LRMDA: variants seen among roughly 807,000 people sequenced by gnomAD.
LRMDA encodes the protein leucine-rich melanocyte differentiation-associated protein.
A neutral mutation model predicts 29.8 loss-of-function variants in LRMDA; 18 were observed. The ratio of observed to expected loss-of-function variants is 0.60; its 90% confidence interval spans 0.42 to 0.90. The LOEUF is 0.90. Among genes scored for constraint, LRMDA ranks in the 40% least tolerant of loss-of-function variants. LRMDA has a pLI of 0.00. For synonymous variants in LRMDA, 125 were observed against 109.4 expected (o/e 1.14, Z -0.89); for missense variants, 273 against 273.9 (o/e 1.00, Z 0.02).
rs542801992 is a variant in LRMDA at position 76,287,190 on chromosome 10, G to T, written c.517-37211G>T. ...ATCTCTACATTTTGGTGGTGAATCT[G>T]GTTGTGGCTTCTTCTTTATTTGCCA... On this transcript the variant is annotated intron_variant, in intron 5 of 6. Coordinates refer to ENST00000611255, the MANE Select transcript of LRMDA (RefSeq NM_001305581.2). Among the ~76,000 whole-genome samples, 123 of 125,080 alleles carry T rather than the reference G, an allele frequency of 9.8e-4. 1 individual carries two copies. Among genetic ancestry groups the T allele is most frequent in the Middle Eastern group, 9.8e-3 (2 of 204 alleles). 82.1% of individuals were successfully genotyped at this position (125,080 alleles called of 152,430 possible).
intron 2 of LRMDA, among the ~76,000 whole-genome samples, chr10:75,929,915 C>T (rs1411695311): frequency 6.6e-6 from 1 of 152,164 alleles, no homozygotes; most frequent in East Asian, 1.9e-4. Flanking sequence ...TGAGGCTGAT[C>T]AGTCACAAGT....
chr10:76,178,501 A>G (rs1589365273), intron 5 of LRMDA, among the ~76,000 whole-genome samples: 1 of 152,166 alleles, frequency 6.6e-6, no homozygotes, highest in African/African-American at 2.4e-5. Flanking sequence ...ACAAATTCCA[A>G]TATAAGAAGG....
intron 5 of LRMDA, among the ~76,000 whole-genome samples, chr10:76,222,733 A>G (rs1337224596): frequency 6.6e-6 from 1 of 152,212 alleles, no homozygotes; most frequent in Non-Finnish European, 1.5e-5. Context: ...CTAGAACTAG[A>G]AATACCATTT....
intron 5 of LRMDA, among the ~76,000 whole-genome samples, chr10:76,140,388 A>G (rs1373560804): frequency 6.6e-6 from 1 of 152,046 alleles, no homozygotes; most frequent in Non-Finnish European, 1.5e-5. Context: ...ACCATACTTC[A>G]CCTGAATACC....
chr10:76,150,545 G>C (rs1190076302), intron 5 of LRMDA, among the ~76,000 whole-genome samples: 1 of 152,204 alleles, frequency 6.6e-6, no homozygotes, highest in African/African-American at 2.4e-5. Context: ...CACTACGGCT[G>C]TCATAACGCA....
chr10:75,884,396 A>G (rs1206985219), intron 2 of LRMDA, among the ~76,000 whole-genome samples: 1 of 152,018 alleles, frequency 6.6e-6, no homozygotes, highest in Non-Finnish European at 1.5e-5. Context: ...CCAAGGGACT[A>G]TTTTCTCAGG....
chr10:76,434,271 T>C (rs1842221588), intron 6 of LRMDA, among the ~76,000 whole-genome samples: 1 of 152,128 alleles, frequency 6.6e-6, no homozygotes, highest in South Asian at 2.1e-4. Flanking sequence ...TTCTGACTTT[T>C]CTTGGGTTTT....
chr10:76,062,331 C>G (rs1848714182), intron 5 of LRMDA, among the ~76,000 whole-genome samples: 1 of 152,146 alleles, frequency 6.6e-6, no homozygotes, highest in Non-Finnish European at 1.5e-5. Context: ...GAAAATGTCC[C>G]TCCAATCACA....
At chr10:75,685,555 T>C (rs1438664035) in intron 2 of LRMDA, among the ~76,000 whole-genome samples, 1 of 152,172 alleles carries the variant, frequency 6.6e-6, no homozygotes, top group Admixed American at 6.5e-5. Flanking sequence ...ATCTATCTTC[T>C]CATGTGGTCA....
rs201556716 is a variant in LRMDA, at chr10:75,865,016, G to GT, written c.132-170984dup. On this transcript the variant is annotated intron_variant, in intron 2 of 6. Coordinates refer to ENST00000611255, the MANE Select transcript of LRMDA (RefSeq NM_001305581.2). ...GTTTAAAATGTCTCTAGAAAAATCT[G>GT]TTTTTTTTCTGCCTCTTTCTTTTAC... Among the ~76,000 whole-genome samples, 177 of 151,766 alleles carry GT rather than the reference G, an allele frequency of 1.2e-3. 1 individual carries two copies. The highest frequency in any genetic ancestry group is 3.6e-3 in the African/African-American group (149 of 41,372).
intron 2 of LRMDA, among the ~76,000 whole-genome samples, chr10:75,820,966 T>C (rs549176857): frequency 1.3e-5 from 2 of 152,010 alleles, no homozygotes; most frequent in East Asian, 1.9e-4. Flanking sequence ...CAGGAAGAAA[T>C]AGAAATCCTG....
At chr10:76,162,571 T>A (rs1300735722) in intron 5 of LRMDA, among the ~76,000 whole-genome samples, 2 of 152,054 alleles carry the variant, frequency 1.3e-5, no homozygotes, top group Non-Finnish European at 2.9e-5. Flanking sequence ...AGCAGGTGGA[T>A]AGTGGGAGCA....
intron 2 of LRMDA, among the ~76,000 whole-genome samples, chr10:75,931,325 G>A (rs1846201938): frequency 6.6e-6 from 1 of 152,146 alleles, no homozygotes; most frequent in Non-Finnish European, 1.5e-5. Flanking sequence ...ACTGCCAAAT[G>A]TGACCTTGCC....
chr10:76,048,703 T>G (rs1179571490), intron 4 of LRMDA, among the ~76,000 whole-genome samples: 1 of 152,222 alleles, frequency 6.6e-6, no homozygotes. Flanking sequence ...GATGTCCAGT[T>G]GGCTTTAGAA....
chr10:76,308,541 G>A (rs1275557689), intron 5 of LRMDA, among the ~76,000 whole-genome samples: 4 of 152,070 alleles, frequency 2.6e-5, no homozygotes, highest in Admixed American at 2.6e-4. Context: ...GAAGATTCCA[G>A]TAGAACCAGC....
intron 2 of LRMDA, among the ~76,000 whole-genome samples, chr10:75,726,375 C>T (rs1363804505): frequency 6.6e-6 from 1 of 152,198 alleles, no homozygotes; most frequent in Non-Finnish European, 1.5e-5. Flanking sequence ...GTAATTTTGG[C>T]TGAACTGTTG....
intron 5 of LRMDA, among the ~76,000 whole-genome samples, chr10:76,154,338 C>T (rs1850499920): frequency 6.6e-6 from 1 of 152,120 alleles, no homozygotes; most frequent in Non-Finnish European, 1.5e-5. Context: ...AAGAATATAT[C>T]CCCATAAGGA....
chr10:76,202,835 T>G (rs552109154), intron 5 of LRMDA, among the ~76,000 whole-genome samples: 1 of 151,944 alleles, frequency 6.6e-6, no homozygotes, highest in Non-Finnish European at 1.5e-5. Flanking sequence ...CTGAGACACA[T>G]GTGACTTCTT....
At position 75,916,352 on chromosome 10, in the gene LRMDA, A is replaced by G. The variant is rs77907788; in HGVS notation, c.132-119656A>G. Among the ~76,000 whole-genome samples the G allele has an allele frequency of 2.6e-4, 39 of 152,208 alleles. No homozygotes were observed. The East Asian group carries it at 7.2e-3, about 28-fold the overall frequency. ...CAGAGACTGCCAGGCACACATGGCT[A>G]TTGCTGGCTGGGCTCCTCAGAGCTC... On this transcript the variant is annotated intron_variant, in intron 2 of 6. Coordinates refer to ENST00000611255, the MANE Select transcript of LRMDA (RefSeq NM_001305581.2).
Sources: gnomAD v4.1 joint callset for allele counts (sites outside exome capture counted in the v4.1 genomes callset) on GRCh38, gnomAD v4.1.1 for gene constraint, MANE v1.5 for transcripts, NCBI Gene and HGNC (gene_info 2026-07-23, HGNC 2026-07-21) for gene names.